Variants in GALNT13 observed in about 807,000 individuals in gnomAD.
The protein encoded by GALNT13 is UDP-GalNAc:polypeptide N-acetylgalactosaminyltransferase 13.
A neutral mutation model predicts 64.2 loss-of-function variants in GALNT13; 28 were observed. That is an observed-to-expected ratio of 0.44 (90% CI 0.32 to 0.60). GALNT13 has a LOEUF of 0.60. Among genes scored for constraint, GALNT13 ranks in the 20% least tolerant of loss-of-function variants. GALNT13 has a pLI of 0.05. For missense variants in GALNT13, 577 were observed against 669.8 expected, an observed-to-expected ratio of 0.86 and a Z score of 1.53; for synonymous variants, 214 against 224.6, an observed-to-expected ratio of 0.95 and a Z score of 0.42.
chr2:153,623,771 T>A, the GALNT13 span, among the ~76,000 whole-genome samples: 1 of 152,064 alleles, frequency 6.6e-6, no homozygotes, highest in Non-Finnish European at 1.5e-5. Flanking sequence ...GGTAAAATTT[T>A]AAAATTATTA....
At chr2:154,342,590 G>C (rs566561610) in intron 9 of GALNT13, among the ~76,000 whole-genome samples, 3 of 151,918 alleles carry the variant, frequency 2.0e-5, no homozygotes, top group Admixed American at 2.0e-4. Context: ...TCAGATTTCA[G>C]TGTTCATAAA....
At chr2:153,879,053 C>T (rs1273028143) in intron 1 of GALNT13, among the ~76,000 whole-genome samples, 1 of 152,152 alleles carries the variant, frequency 6.6e-6, no homozygotes, top group Admixed American at 6.5e-5. Context: ...TACCTTTATG[C>T]ACATTTTCCT....
At chr2:154,031,079 C>T (rs908097203) in intron 3 of GALNT13, among the ~76,000 whole-genome samples, 2 of 151,844 alleles carry the variant, frequency 1.3e-5, no homozygotes, top group African/African-American at 2.4e-5. Context: ...AATAGCAATG[C>T]GATATTTATT....
chr2:153,443,056 C>CGGTT, the GALNT13 span, among the ~76,000 whole-genome samples: 1 of 152,056 alleles, frequency 6.6e-6, no homozygotes, highest in East Asian at 1.9e-4. Context: ...AGGGAGTGAA[C>CGGTT]GGTTTTGTCT....
chr2:153,322,492 A>G, the GALNT13 span, among the ~76,000 whole-genome samples: 1 of 151,934 alleles, frequency 6.6e-6, no homozygotes, highest in Admixed American at 6.6e-5. Context: ...CATGTTTCTT[A>G]TTGGTAGAAT....
chr2:153,283,574 A>G, the GALNT13 span, among the ~76,000 whole-genome samples: 1 of 152,002 alleles, frequency 6.6e-6, no homozygotes, highest in African/African-American at 2.4e-5. Flanking sequence ...GCCCAGAGAT[A>G]TCTGCTAGGG....
At chr2:153,802,561 A>C in the GALNT13 span, among the ~76,000 whole-genome samples, 3 of 152,308 alleles carry the variant, frequency 2.0e-5, no homozygotes, top group East Asian at 5.8e-4. Context: ...GAGTCCATCT[A>C]ATCCTTACAA....
At chr2:154,057,978 C>A (rs1464735863) in intron 3 of GALNT13, among the ~76,000 whole-genome samples, 1 of 152,162 alleles carries the variant, frequency 6.6e-6, no homozygotes, top group Non-Finnish European at 1.5e-5. Flanking sequence ...CTAGTCATTG[C>A]ACTTGAGTCC....
intron 1 of GALNT13, among the ~76,000 whole-genome samples, chr2:153,894,916 C>T (rs896527143): frequency 2.0e-5 from 3 of 152,116 alleles, no homozygotes; most frequent in Non-Finnish European, 4.4e-5. Flanking sequence ...GGAGGCATAG[C>T]TTGTTACTTG....
the GALNT13 span, among the ~76,000 whole-genome samples, chr2:153,426,803 C>G: frequency 6.6e-6 from 1 of 151,638 alleles, no homozygotes; most frequent in East Asian, 1.9e-4. Flanking sequence ...AATTAGTGCT[C>G]TTATTGTCTC....
At chr2:153,780,045 G>A in the GALNT13 span, among the ~76,000 whole-genome samples, 2 of 151,346 alleles carry the variant, frequency 1.3e-5, no homozygotes, top group Non-Finnish European at 2.9e-5. Context: ...ATAATAGCTC[G>A]GGTGAACTGC....
At chr2:153,123,187 T>C in the GALNT13 span, among the ~76,000 whole-genome samples, 1 of 152,040 alleles carries the variant, frequency 6.6e-6, no homozygotes, top group Non-Finnish European at 1.5e-5. Flanking sequence ...ATCTGCAAGC[T>C]AGGAAACACC....
the GALNT13 span, among the ~76,000 whole-genome samples, chr2:153,855,643 T>C: frequency 6.6e-6 from 1 of 152,156 alleles, no homozygotes; most frequent in Admixed American, 6.5e-5. Context: ...GGTGGGACTA[T>C]AAAATGACAC....
chr2:154,054,321 C>A (rs1699791501), intron 3 of GALNT13, among the ~76,000 whole-genome samples: 1 of 151,884 alleles, frequency 6.6e-6, no homozygotes, highest in Non-Finnish European at 1.5e-5. Flanking sequence ...TCTAAACAAG[C>A]AGATTGTGAA....
the GALNT13 span, among the ~76,000 whole-genome samples, chr2:153,254,749 G>C: frequency 6.6e-6 from 1 of 151,902 alleles, no homozygotes; most frequent in South Asian, 2.1e-4. Context: ...TCAGGAGCAG[G>C]TTGTTCAGTT....
intron 9 of GALNT13, among the ~76,000 whole-genome samples, chr2:154,358,048 T>C (rs1044322430): frequency 1.3e-5 from 2 of 152,092 alleles, no homozygotes; most frequent in Non-Finnish European, 2.9e-5. Flanking sequence ...ATAATACTTC[T>C]ATAGAATGTG....
At chr2:153,257,343 C>T in the GALNT13 span, among the ~76,000 whole-genome samples, 5 of 152,054 alleles carry the variant, frequency 3.3e-5, no homozygotes, top group African/African-American at 7.2e-5. Flanking sequence ...CTGACCTGCG[C>T]CCACTGTCTG....
chr2:153,136,848 C>CCACACA, the GALNT13 span, among the ~76,000 whole-genome samples: 893 of 148,430 alleles, frequency 6.0e-3, 7 homozygotes, highest in Admixed American at 0.013. Context: ...GGTGTTTGCA[C>CCACACA]CACACACACA....
At chr2:153,971,576 G>T (rs1044870531) in intron 3 of GALNT13, among the ~76,000 whole-genome samples, 1 of 152,070 alleles carries the variant, frequency 6.6e-6, no homozygotes, top group African/African-American at 2.4e-5. Flanking sequence ...CTTATTTCAA[G>T]AATTTAACTA....
Sources: gnomAD v4.1 joint callset for allele counts (sites outside exome capture counted in the v4.1 genomes callset) on GRCh38, gnomAD v4.1.1 for gene constraint, MANE v1.5 for transcripts, NCBI Gene and HGNC (gene_info 2026-07-23, HGNC 2026-07-21) for gene names.